The following DPYD variants were observed in gnomAD, a reference collection of about 807,000 sequenced individuals.
DPYD encodes the protein dihydropyrimidine dehydrogenase.
DPYD carries 109 observed loss-of-function variants against 116.2 expected under a neutral mutation model. The observed-to-expected ratio is 0.94, with a 90% CI of 0.80 to 1.10. The LOEUF is 1.10. DPYD is among the 50% of genes least tolerant of loss of function. DPYD has a pLI of 0.00. For missense variants in DPYD, 1,302 were observed against 1,254.5 expected, an observed-to-expected ratio of 1.04 and a Z score of -0.57; for synonymous variants, 440 against 432.0, an observed-to-expected ratio of 1.02 and a Z score of -0.23.
chr1:97,636,961 C>A (rs2100807718), intron 8 of DPYD, among the ~76,000 whole-genome samples: 1 of 152,210 alleles, frequency 6.6e-6, no homozygotes, highest in African/African-American at 2.4e-5. Context: ...TGTGTGGGAA[C>A]CCACTCAGGT....
chr1:97,184,202 T>C (rs1657840473), intron 20 of DPYD, among the ~76,000 whole-genome samples: 1 of 152,326 alleles, frequency 6.6e-6, no homozygotes, highest in Non-Finnish European at 1.5e-5. Context: ...GTCTTTGCTA[T>C]TGTGAATAGT....
chr1:97,593,527 G>A, intron 9 of DPYD, 140 bp from the exon 10 acceptor site: 1 of 941,312 alleles, frequency 1.1e-6, no homozygotes, highest in Non-Finnish European at 1.7e-6. Context: ...AAATTATTCT[G>A]CTTCATTGAA....
intron 7 of DPYD, among the ~76,000 whole-genome samples, chr1:97,684,072 G>A (rs1291572294): frequency 6.6e-6 from 1 of 152,082 alleles, no homozygotes; most frequent in African/African-American, 2.4e-5. Context: ...CTTGTCTTCT[G>A]CTAGCTTTGT....
chr1:97,311,563 C>A (rs1179563482), intron 16 of DPYD, among the ~76,000 whole-genome samples: 1 of 151,700 alleles, frequency 6.6e-6, no homozygotes. Flanking sequence ...GTACAAGAGT[C>A]TTTGGGAAAC....
At chr1:97,838,914 T>C (rs1669911384) in intron 2 of DPYD, among the ~76,000 whole-genome samples, 1 of 152,160 alleles carries the variant, frequency 6.6e-6, no homozygotes, top group African/African-American at 2.4e-5. Flanking sequence ...TAACATAAAC[T>C]TTTCAATCAC....
rs529221339 is a variant in DPYD at position 97,363,670 on chromosome 1, G to C, written c.2058+9891C>G. 2.6e-4 allele frequency among the ~76,000 whole-genome samples: 39 copies of C among 152,300 alleles called. No homozygotes were observed. The East Asian group carries it at 4.2e-3, about 17-fold the overall frequency. ...CTTTGCAGGATCATGGATACAGCTG[G>C]AAACCATCATTCTGAGCAAACTAGC... On this transcript the variant is annotated intron_variant, in intron 16 of 22. Coordinates refer to ENST00000370192, the MANE Select transcript of DPYD (RefSeq NM_000110.4).
intron 11 of DPYD, among the ~76,000 whole-genome samples, chr1:97,571,940 G>A (rs1373904146): frequency 1.3e-5 from 2 of 151,904 alleles, no homozygotes; most frequent in South Asian, 2.1e-4. Flanking sequence ...GTCCAGGAAT[G>A]AATGCTATCT....
chr1:97,684,118 T>C (rs1660579133), intron 7 of DPYD, among the ~76,000 whole-genome samples: 1 of 152,166 alleles, frequency 6.6e-6, no homozygotes, highest in Non-Finnish European at 1.5e-5. Context: ...TTCTTTTAGT[T>C]GTTATGGTAG....
At chr1:97,443,614 C>A (rs1675921449) in intron 14 of DPYD, among the ~76,000 whole-genome samples, 1 of 152,198 alleles carries the variant, frequency 6.6e-6, no homozygotes, top group Non-Finnish European at 1.5e-5. Flanking sequence ...TGAATATCCT[C>A]TTTGGGGTAC....
chr1:97,366,629 A>G (rs1386927901), intron 16 of DPYD, among the ~76,000 whole-genome samples: 1 of 152,208 alleles, frequency 6.6e-6, no homozygotes, highest in East Asian at 1.9e-4. Context: ...TGATTCCGGC[A>G]TAACTAAACA....
intron 19 of DPYD, among the ~76,000 whole-genome samples, chr1:97,212,229 C>T (rs1469800159): frequency 1.3e-5 from 2 of 152,100 alleles, no homozygotes; most frequent in Non-Finnish European, 2.9e-5. Context: ...TGTTCACCAC[C>T]TCCCCAAGCT....
In DPYD at chr1:97,722,327, G is replaced by C. The variant is rs187322464; in HGVS notation, c.322-656C>G. Among the ~76,000 whole-genome samples, 26 of 151,476 alleles carry C rather than the reference G, an allele frequency of 1.7e-4. No homozygotes were observed. In the East Asian group the frequency reaches 4.5e-3, roughly 26 times the overall value. On this transcript the variant is annotated intron_variant, in intron 4 of 22. Transcript: ENST00000370192. ...AGGACACATGACAAATAAATGTATT[G>C]TGGTGATTTTTATGATATACTGGAA... is the stretch of plus-strand genomic sequence containing the variant.
At chr1:97,389,818 A>G (rs961548329) in intron 14 of DPYD, among the ~76,000 whole-genome samples, 3 of 151,706 alleles carry the variant, frequency 2.0e-5, no homozygotes, top group Non-Finnish European at 4.4e-5. Flanking sequence ...CTTTCTCTCT[A>G]AAAGGTATCT....
In DPYD at chr1:97,501,584, G is replaced by A. The variant is rs112192819; in HGVS notation, c.1740+14142C>T. Reference sequence around the variant, plus strand: ...ACATTAGCCAGGTGTGGTAGTGCACGCCTATAGTCCTAGCTACTTGGGAGG... The same window carrying A: ...ACATTAGCCAGGTGTGGTAGTGCACACCTATAGTCCTAGCTACTTGGGAGG... On this transcript the variant is annotated intron_variant, in intron 13 of 22. Transcript: ENST00000370192. Among the ~76,000 whole-genome samples the A allele has an allele frequency of 9.4e-3, 1,431 of 151,982 alleles. 17 individuals carry two copies. The highest frequency in any genetic ancestry group is 0.032 in the African/African-American group (1,347 of 41,480).
At chr1:97,582,738 T>C (rs1279106653) in intron 10 of DPYD, among the ~76,000 whole-genome samples, 2 of 152,188 alleles carry the variant, frequency 1.3e-5, no homozygotes, top group Admixed American at 6.5e-5. Flanking sequence ...TTTAAGTTTT[T>C]TAAAGTTGAA....
At chr1:97,211,409 T>C (rs1660021935) in intron 19 of DPYD, among the ~76,000 whole-genome samples, 1 of 152,168 alleles carries the variant, frequency 6.6e-6, no homozygotes, top group Admixed American at 6.6e-5. Flanking sequence ...ACATTTTTCT[T>C]ATATATCTGT....
chr1:97,356,260 C>T (rs1670425143), intron 16 of DPYD, among the ~76,000 whole-genome samples: 1 of 152,146 alleles, frequency 6.6e-6, no homozygotes, highest in African/African-American at 2.4e-5. Flanking sequence ...CTCCCTTGCT[C>T]ATTTTTTATT....
chr1:97,595,481 C>T (rs953734714), intron 8 of DPYD, among the ~76,000 whole-genome samples: 3 of 151,506 alleles, frequency 2.0e-5, no homozygotes. Context: ...ATTCTTGCCT[C>T]ATATCATAAA....
chr1:97,402,376 A>G (rs927836449), intron 14 of DPYD, among the ~76,000 whole-genome samples: 9 of 152,020 alleles, frequency 5.9e-5, no homozygotes, highest in Non-Finnish European at 8.8e-5. Context: ...ATTTGTTTTG[A>G]TTCTAATGTA....
Sources: gnomAD v4.1 joint callset for allele counts (sites outside exome capture counted in the v4.1 genomes callset) on GRCh38, gnomAD v4.1.1 for gene constraint, MANE v1.5 for transcripts, NCBI Gene and HGNC (gene_info 2026-07-23, HGNC 2026-07-21) for gene names.